Variants in GPD2 observed in about 807,000 individuals in gnomAD.
GPD2 encodes glycerol-3-phosphate dehydrogenase, mitochondrial.
GPD2 carries 54 observed loss-of-function variants against 82.4 expected under a neutral mutation model. That is an observed-to-expected ratio of 0.66 (90% CI 0.53 to 0.82). The LOEUF (loss-of-function observed/expected upper bound fraction) is 0.82, where lower values mean the gene tolerates loss of function less well. Ranked by LOEUF, GPD2 falls within the 40% of genes least tolerant of loss-of-function variation. The probability of loss-of-function intolerance (pLI) is 0.00; values close to 1 mark genes in which losing one functional copy is unlikely to be tolerated. For synonymous variants in GPD2, 288 were observed against 306.1 expected, an observed-to-expected ratio of 0.94 and a Z score of 0.62; for missense variants, 748 against 896.2, an observed-to-expected ratio of 0.83 and a Z score of 2.11.
intron 6 of GPD2, among the ~76,000 whole-genome samples, chr2:156,537,297 C>T (rs1001231655): frequency 3.3e-4 from 50 of 152,306 alleles, no homozygotes; most frequent in African/African-American, 1.2e-3. Context: ...TCAGTGATTA[C>T]AACAGGGCAA....
chr2:156,549,572 A>C, intron 6 of GPD2, 36 bp from the exon 7 acceptor site: 2 of 1,592,956 alleles, frequency 1.3e-6, no homozygotes, highest in South Asian at 2.2e-5. Flanking sequence ...GCTCGAGGTG[A>C]CTCCTCTCCC....
At chr2:156,501,618 T>C (rs1424427089) in intron 3 of GPD2, among the ~76,000 whole-genome samples, 1 of 152,110 alleles carries the variant, frequency 6.6e-6, no homozygotes, top group Non-Finnish European at 1.5e-5. Context: ...TCTCCACCCA[T>C]CCACCATGAA....
intron 2 of GPD2, among the ~76,000 whole-genome samples, chr2:156,487,733 A>G (rs1029081365): frequency 1.1e-4 from 16 of 152,212 alleles, no homozygotes; most frequent in African/African-American, 3.6e-4. Context: ...ATCTACCCCA[A>G]CCTCAGACTT....
intron 9 of GPD2, among the ~76,000 whole-genome samples, chr2:156,566,541 G>A (rs1687398543): frequency 1.3e-5 from 2 of 152,084 alleles, no homozygotes; most frequent in Non-Finnish European, 1.5e-5. Flanking sequence ...TGTTGCATGT[G>A]TCAGAATTTT....
intron 6 of GPD2, among the ~76,000 whole-genome samples, chr2:156,529,482 C>T (rs1178161868): frequency 2.0e-5 from 3 of 148,650 alleles, no homozygotes; most frequent in Non-Finnish European, 4.5e-5. Flanking sequence ...GTTGCCATTG[C>T]TTTTGGTGTT....
At chr2:156,457,008 T>C (rs1165480766) in intron 1 of GPD2, among the ~76,000 whole-genome samples, 8 of 152,186 alleles carry the variant, frequency 5.3e-5, no homozygotes, top group Non-Finnish European at 1.2e-4. Context: ...TATGCTTTCA[T>C]ATTTTGAGAT....
chr2:156,493,313 A>G (rs946449677), intron 2 of GPD2, among the ~76,000 whole-genome samples: 1 of 152,106 alleles, frequency 6.6e-6, no homozygotes, highest in African/African-American at 2.4e-5. Flanking sequence ...TAGTGGTTGG[A>G]TGTATGTGAA....
intron 2 of GPD2, among the ~76,000 whole-genome samples, chr2:156,494,032 C>G (rs971299196): frequency 1.3e-5 from 2 of 151,182 alleles, no homozygotes; most frequent in Non-Finnish European, 2.9e-5. Context: ...GTAGTACCTA[C>G]TGGTTACATT....
chr2:156,512,470 T>A (rs1685037601), intron 5 of GPD2, among the ~76,000 whole-genome samples, 153 bp downstream of exon 5: 2 of 152,224 alleles, frequency 1.3e-5, no homozygotes, highest in South Asian at 4.1e-4. Context: ...TTTGTTGTAT[T>A]TAAAAGTATG....
chr2:156,444,479 G>A (rs1467233902), intron 1 of GPD2, among the ~76,000 whole-genome samples: 8 of 152,134 alleles, frequency 5.3e-5, no homozygotes, highest in African/African-American at 1.4e-4. Context: ...TTGGGAGGCC[G>A]AGGCAGGTGG....
intron 1 of GPD2, among the ~76,000 whole-genome samples, chr2:156,454,148 T>C (rs976083035): frequency 6.6e-6 from 1 of 152,088 alleles, no homozygotes; most frequent in East Asian, 1.9e-4. Flanking sequence ...ATGAACAGAG[T>C]CGTTACTCAA....
chr2:156,543,174 G>A (rs983974116), intron 6 of GPD2, among the ~76,000 whole-genome samples: 1 of 152,150 alleles, frequency 6.6e-6, no homozygotes. Context: ...TCCATTGTCT[G>A]TTGGGTAGCT....
At chr2:156,523,954 A>G (rs945141808) in intron 6 of GPD2, among the ~76,000 whole-genome samples, 1 of 152,196 alleles carries the variant, frequency 6.6e-6, no homozygotes, top group South Asian at 2.1e-4. Flanking sequence ...AATAGACAAA[A>G]TCTTACATAT....
At chr2:156,477,215 G>A (rs541690755) in intron 2 of GPD2, among the ~76,000 whole-genome samples, 1 of 152,306 alleles carries the variant, frequency 6.6e-6, no homozygotes, top group South Asian at 2.1e-4. Context: ...CAGATCCCTT[G>A]AGCCCAGAAG....
the GPD2 span, among the ~76,000 whole-genome samples, chr2:156,417,659 A>G: frequency 1.3e-5 from 2 of 152,100 alleles, no homozygotes; most frequent in Non-Finnish European, 2.9e-5. Flanking sequence ...ATTACATGGA[A>G]TATAATTCCA....
At chr2:156,514,692 A>G (rs1284835019) in intron 6 of GPD2, among the ~76,000 whole-genome samples, 1 of 152,152 alleles carries the variant, frequency 6.6e-6, no homozygotes, top group East Asian at 1.9e-4. Context: ...ACAATATTAG[A>G]AAAATGTTAA....
chr2:156,510,957 AC>A, intron 4 of GPD2, 37 bp downstream of exon 4: 1 of 1,601,756 alleles, frequency 6.2e-7, no homozygotes, highest in Non-Finnish European at 8.6e-7. Context: ...AAAAATTGCA[AC>A]TGTGCTTTTT....
At chr2:156,516,544 ATCC>A (rs1685202943) in intron 6 of GPD2, among the ~76,000 whole-genome samples, 1 of 152,202 alleles carries the variant, frequency 6.6e-6, no homozygotes, top group Non-Finnish European at 1.5e-5. Flanking sequence ...GGCTCAAGCA[ATCC>A]TCCTGCCTCA....
chr2:156,518,466 TG>T (rs1685277598), intron 6 of GPD2, among the ~76,000 whole-genome samples: 2 of 152,316 alleles, frequency 1.3e-5, no homozygotes, highest in South Asian at 4.1e-4. Flanking sequence ...CTGTATGCTT[TG>T]GGGAACGATG....
Sources: gnomAD v4.1 joint callset for allele counts (sites outside exome capture counted in the v4.1 genomes callset) on GRCh38, gnomAD v4.1.1 for gene constraint, MANE v1.5 for transcripts, NCBI Gene and HGNC (gene_info 2026-07-23, HGNC 2026-07-21) for gene names.